TDP1: variants seen among roughly 807,000 people sequenced by gnomAD.
The protein encoded by TDP1 is tyrosyl-DNA phosphodiesterase 1.
In TDP1, 64 loss-of-function variants were observed where a neutral mutation model predicts 81.5. The observed-to-expected ratio is 0.79, with a 90% CI of 0.64 to 0.97. The LOEUF is 0.97. Ranked by LOEUF, TDP1 falls within the 50% of genes least tolerant of loss-of-function variation. The pLI, the probability that TDP1 is intolerant of heterozygous loss-of-function variation, is 0.00. For synonymous variants in TDP1, 256 were observed against 264.3 expected (o/e 0.97, Z 0.30); for missense variants, 723 against 743.8 (o/e 0.97, Z 0.33).
Position 89,971,272 on chromosome 14 carries a change from G to A in TDP1, c.756+1G>A, listed in dbSNP as rs1301885043. The A allele has an allele frequency of 6.2e-7, 1 of 1,613,204 alleles. No homozygotes were observed. Among genetic ancestry groups the A allele is most frequent in the Non-Finnish European group, 8.5e-7 (1 of 1,179,278 alleles). On this transcript the variant is annotated splice_donor_variant, in intron 6 of 16. Transcript: ENST00000335725. LOFTEE classifies it high-confidence loss of function. ...TTACGAGAACATCTCTCTCTGCCAG[G>A]TAAGCCACTTACTGCCGTTGGAGAG...
At chr14:89,975,850 A>G in intron 7 of TDP1, 35 bp downstream of exon 7, 1 of 1,575,452 alleles carries the variant, frequency 6.3e-7, no homozygotes. Context: ...GAACCCCTCA[A>G]GCATTGTCAT....
rs186486193 is a variant in TDP1 at position 89,975,682 on chromosome 14, T to A, written c.757-99T>A. On this transcript the variant is annotated intron_variant, in intron 6 of 16. Coordinates refer to ENST00000335725, the MANE Select transcript of TDP1 (RefSeq NM_018319.4). ...TGGTAGAGATCAGTAAAAATAGTTTTAAAAAAAAAAGTTGACCTGATTGCT... is the reference window on the plus strand; with the variant it reads ...TGGTAGAGATCAGTAAAAATAGTTTAAAAAAAAAAAGTTGACCTGATTGCT... The A allele has an allele frequency of 1.1e-3, 1,226 of 1,071,730 alleles. 6 individuals are homozygous for A. The highest frequency in any genetic ancestry group is 7.7e-3 in the African/African-American group (485 of 63,106). 66.4% of individuals were successfully genotyped at this position (1,071,730 alleles called of 1,614,324 possible).
intron 14 of TDP1, among the ~76,000 whole-genome samples, chr14:89,994,040 C>T (rs1896458975): frequency 6.6e-6 from 1 of 152,144 alleles, no homozygotes; most frequent in African/African-American, 2.4e-5. Context: ...TACCTGTTGG[C>T]ATTTTTGTGT....
chr14:90,031,366 G>A (rs1004226909), intron 15 of TDP1, among the ~76,000 whole-genome samples: 6 of 148,856 alleles, frequency 4.0e-5, no homozygotes, highest in South Asian at 2.2e-4. Context: ...GACAAACACA[G>A]AAATTGAAAC....
intron 14 of TDP1, among the ~76,000 whole-genome samples, chr14:89,998,420 A>ATATGTATGTATGTATGTATGTATGTATG (rs757314572): frequency 2.5e-5 from 2 of 79,294 alleles, no homozygotes; most frequent in African/African-American, 1.3e-4. Flanking sequence ...ATATATATAT[A>ATATGTATGTATGTATGTATGTATGTATG]TATGTATGTA....
chr14:90,029,441 C>T (rs1184695162), intron 15 of TDP1, among the ~76,000 whole-genome samples: 2 of 151,480 alleles, frequency 1.3e-5, no homozygotes, highest in Admixed American at 6.6e-5. Flanking sequence ...TCAGGTCATC[C>T]GCCCGCCTCG....
chr14:90,027,192 C>G (rs190641433), intron 15 of TDP1, among the ~76,000 whole-genome samples: 9 of 152,154 alleles, frequency 5.9e-5, no homozygotes, highest in Admixed American at 2.6e-4. Context: ...GTTTTGATTT[C>G]CATTTCTCTG....
intron 16 of TDP1, among the ~76,000 whole-genome samples, chr14:90,038,574 A>G (rs1244676211): frequency 6.6e-6 from 1 of 152,222 alleles, no homozygotes; most frequent in African/African-American, 2.4e-5. Flanking sequence ...GTGGTGGCTC[A>G]CACCTGTAAT....
At chr14:90,029,194 ATTTT>A (rs539198642) in intron 15 of TDP1, among the ~76,000 whole-genome samples, 6 of 116,202 alleles carry the variant, frequency 5.2e-5, no homozygotes, top group African/African-American at 1.6e-4. Context: ...CCCTGCCATT[ATTTT>A]TTTTTTTTTT....
In TDP1 at chr14:89,985,187, T is replaced by C. The variant is rs1895415630; in HGVS notation, c.1108T>C (p.Trp370Arg). The C allele has an allele frequency of 1.9e-6, 3 of 1,610,198 alleles. No homozygotes were observed. The highest frequency in any genetic ancestry group is 2.5e-6 in the Non-Finnish European group (3 of 1,177,982). Residue 370 changes from tryptophan to arginine, a missense_variant, in exon 10 of 17, where the codon TGG becomes CGG. Trp to Arg is a moderately radical substitution (Grantham distance 101). Coordinates refer to ENST00000335725, the MANE Select transcript of TDP1 (RefSeq NM_018319.4). ...CTTTCAAGGAAGTCAAAAAGATAAT[T>C]GGGGACATTTTAGACTTAAGAAGGT... ...GRFQGSQKDN[W>R]GHFRLKKLLK... is the part of the protein sequence containing the mutation.
At chr14:90,042,901 C>T in intron 16 of TDP1, 169 bp from the exon 17 acceptor site, 3 of 985,378 alleles carry the variant, frequency 3.0e-6, no homozygotes, top group Non-Finnish European at 3.6e-6. Flanking sequence ...CTAATAGGAG[C>T]CTTCGCTAAA....
intron 16 of TDP1, 133 bp from the exon 17 acceptor site, chr14:90,042,937 T>A: frequency 1.3e-6 from 2 of 1,547,150 alleles, no homozygotes; most frequent in South Asian, 1.2e-5. Context: ...GGGGAGAATC[T>A]TCTGGGCTTG....
At chr14:89,984,187 A>G in intron 8 of TDP1, 1 of 985,426 alleles carries the variant, frequency 1.0e-6, no homozygotes, top group Non-Finnish European at 1.2e-6. Flanking sequence ...AGTCTTAGAA[A>G]GCAATATATA....
At chr14:90,032,239 A>ACCAG (rs1329255383) in intron 15 of TDP1, among the ~76,000 whole-genome samples, 2 of 152,122 alleles carry the variant, frequency 1.3e-5, no homozygotes, top group South Asian at 2.1e-4. Context: ...ACTGCCCATG[A>ACCAG]CCAGCCTCCG....
Position 89,985,223 on chromosome 14 carries a change from T to C in TDP1, c.1131+13T>C, listed in dbSNP as rs778832448. ...TAGACTTAAGAAGGTAACAGAACTT[T>C]TACTATTTTAACATTTTTAAAAAAT... On this transcript the variant is annotated intron_variant, in intron 10 of 16. Transcript: ENST00000335725. The C allele has an allele frequency of 1.3e-6, 2 of 1,534,874 alleles. No individual in the cohort carries two copies. The highest frequency in any genetic ancestry group is 1.8e-6 in the Non-Finnish European group (2 of 1,115,588).
intron 6 of TDP1, among the ~76,000 whole-genome samples, chr14:89,974,230 C>T (rs965757187): frequency 2.6e-5 from 4 of 152,186 alleles, no homozygotes; most frequent in Non-Finnish European, 5.9e-5. Flanking sequence ...AGCCCAAAAA[C>T]AGCACCCAGT....
chr14:90,039,308 A>C (rs979666641), intron 16 of TDP1, among the ~76,000 whole-genome samples: 4 of 152,322 alleles, frequency 2.6e-5, no homozygotes, highest in Middle Eastern at 3.4e-3. Flanking sequence ...TGGCATTTCT[A>C]GCTGGCATGT....
At chr14:90,000,024 G>A (rs929321281) in intron 14 of TDP1, among the ~76,000 whole-genome samples, 7 of 152,270 alleles carry the variant, frequency 4.6e-5, no homozygotes, top group Admixed American at 2.6e-4. Flanking sequence ...AAATCAAGGC[G>A]TCAACCCAGC....
chr14:89,984,776 G>T, intron 9 of TDP1, 93 bp downstream of exon 9: 1 of 1,600,182 alleles, frequency 6.2e-7, no homozygotes. Context: ...GGAAAGAGGT[G>T]GGGTGAAATC....
Sources: allele counts gnomAD v4.1 joint callset (sites outside exome capture counted in the v4.1 genomes callset), GRCh38; gene constraint gnomAD v4.1.1; transcripts MANE v1.5; gene names NCBI Gene and HGNC (gene_info 2026-07-23, HGNC 2026-07-21).